POLR3C: variants seen among roughly 807,000 people sequenced by gnomAD.
POLR3C encodes the protein DNA-directed RNA polymerase III subunit RPC3.
Under a neutral mutation model 65.9 loss-of-function variants are expected in POLR3C, and 44 were observed. That is an observed-to-expected ratio of 0.67 (90% CI 0.52 to 0.86). The LOEUF (loss-of-function observed/expected upper bound fraction) is 0.86, where lower values mean the gene tolerates loss of function less well. Ranked by LOEUF, POLR3C falls within the 40% of genes least tolerant of loss-of-function variation. The probability of loss-of-function intolerance (pLI) is 0.00; values close to 1 mark genes in which losing one functional copy is unlikely to be tolerated. For missense variants in POLR3C, 576 were observed against 653.2 expected (o/e 0.88, Z 1.29); for synonymous variants, 263 against 231.6 (o/e 1.14, Z -1.23).
At chr1:145,825,632 T>G in intron 1 of POLR3C, 125 bp from the exon 2 acceptor site, 1 of 532,208 alleles carries the variant, frequency 1.9e-6, no homozygotes, top group Non-Finnish European at 3.3e-6. Context: ...TATGCAAGAT[T>G]TTTAAGGCTT....
intron 3 of POLR3C, 51 bp from the exon 4 acceptor site, chr1:145,826,769 C>T: frequency 6.2e-7 from 1 of 1,607,416 alleles, no homozygotes; most frequent in Non-Finnish European, 8.5e-7. Context: ...TGGGAGTGAA[C>T]CCTGAGCTAT....
chr1:145,835,435 ACT>A (rs1553728318), intron 7 of POLR3C, among the ~76,000 whole-genome samples: 4 of 148,698 alleles, frequency 2.7e-5, no homozygotes, highest in Admixed American at 2.0e-4. Flanking sequence ...ACAGAGTGAG[ACT>A]CTGTCTCAAA....
intron 1 of POLR3C, among the ~76,000 whole-genome samples, chr1:145,825,541 A>T (rs1318346672): frequency 6.6e-6 from 1 of 152,240 alleles, no homozygotes; most frequent in African/African-American, 2.4e-5. Context: ...TCGGTATTAT[A>T]AAGAGAACTA....
chr1:145,827,863 G>A lies in POLR3C; in HGVS notation c.589+858G>A, dbSNP rs372707417. 5.9e-5 allele frequency among the ~76,000 whole-genome samples: 9 copies of A among 151,990 alleles called. No homozygotes were observed. The South Asian group carries it at 8.3e-4, about 14-fold the overall frequency. On this transcript the variant is annotated intron_variant, in intron 4 of 14. Transcript: ENST00000334163. ...GAATTGCTTGAACCCAGGAGACAGC[G>A]ATTGCAGTGAGCCAAGATTGCACCA... is the stretch of plus-strand genomic sequence containing the variant.
rs587625858 is a variant in POLR3C, at chr1:145,841,630, A to C, written c.1523+559A>C. ...GATTGTTCATTGCTAGTGTTATACA[A>C]AAACAACCAACTTTGGTGTTGTGAT... On this transcript the variant is annotated intron_variant, in intron 14 of 14. Coordinates refer to ENST00000334163, the MANE Select transcript of POLR3C (RefSeq NM_006468.8). Among the ~76,000 whole-genome samples the C allele has an allele frequency of 2.8e-4, 42 of 152,330 alleles. No individual in the cohort carries two copies. The South Asian group carries it at 8.1e-3, about 29-fold the overall frequency.
In POLR3C at chr1:145,826,483, A is replaced by C; in HGVS notation, c.177A>C (p.Gln59His). The C allele has an allele frequency of 6.2e-7, 1 of 1,613,710 alleles. No individual in the cohort carries two copies. ...QVKKALCVLV[Q>H]HNLVSYQVHK... ...AGAAAGCCCTGTGTGTCCTCGTCCA[A>C]CATAACCTGGTGAGTTATCAAGTGC... Residue 59 changes from glutamine (Q) to histidine (H), a missense_variant, in exon 3 of 15, where the codon CAA becomes CAC. Gln to His is a conservative substitution (Grantham distance 24). Transcript: ENST00000334163.
At chr1:145,840,550 A>ATT in intron 13 of POLR3C, 1 of 239,678 alleles carries the variant, frequency 4.2e-6, no homozygotes, top group Non-Finnish European at 8.1e-6. Flanking sequence ...AAAAAAAAAA[A>ATT]TTTTTTTTTT....
At chr1:145,826,252 A>T (rs782694307) in intron 2 of POLR3C, among the ~76,000 whole-genome samples, 5 of 152,246 alleles carry the variant, frequency 3.3e-5, no homozygotes, top group African/African-American at 4.8e-5. Context: ...TAAGGATCAG[A>T]GGAAATATAG....
chr1:145,838,031 A>T (rs924091568), intron 10 of POLR3C, 25 bp from the exon 11 acceptor site: 5 of 1,612,164 alleles, frequency 3.1e-6, no homozygotes, highest in Non-Finnish European at 3.4e-6. Flanking sequence ...TTAGCATGCC[A>T]TTTGCTTTCT....
chr1:145,840,390 A>C, intron 13 of POLR3C: 1 of 475,560 alleles, frequency 2.1e-6, no homozygotes, highest in Admixed American at 3.4e-5. Flanking sequence ...AAATACAAAA[A>C]TTAGCTGGGC....
chr1:145,833,224 A>C (rs1553727599), intron 5 of POLR3C, 36 bp from the exon 6 acceptor site: 1 of 1,278,808 alleles, frequency 7.8e-7, no homozygotes, highest in South Asian at 1.3e-5. Context: ...AAAACTTTAC[A>C]CTATAGCTAA....
chr1:145,835,549 T>C (rs1390198023), intron 7 of POLR3C, among the ~76,000 whole-genome samples: 1 of 152,106 alleles, frequency 6.6e-6, no homozygotes, highest in Non-Finnish European at 1.5e-5. Flanking sequence ...ACTATTCATA[T>C]GGCTTTTTGG....
intron 3 of POLR3C, 34 bp downstream of exon 3, chr1:145,826,743 A>C: frequency 3.7e-6 from 6 of 1,612,894 alleles, no homozygotes; most frequent in Non-Finnish European, 5.1e-6. Flanking sequence ...TAACAAAAGC[A>C]TAGATCAGCT....
At chr1:145,827,064 G>A (rs1288937701) in intron 4 of POLR3C, 59 bp downstream of exon 4, 10 of 1,254,416 alleles carry the variant, frequency 8.0e-6, no homozygotes, top group African/African-American at 1.5e-5. Flanking sequence ...CTTCTTGATT[G>A]TCAAGTGTAT....
intron 10 of POLR3C, 147 bp downstream of exon 10, chr1:145,837,743 C>T: frequency 4.2e-6 from 3 of 718,310 alleles, no homozygotes; most frequent in East Asian, 5.0e-5. Context: ...TCATGTAATA[C>T]TGCTCTTTAC....
In POLR3C at chr1:145,844,110, C is replaced by T. The variant is rs1652487152; in HGVS notation, c.*1690C>T. Among the ~76,000 whole-genome samples, 2 of 152,088 alleles carry T rather than the reference C, an allele frequency of 1.3e-5. No individual in the cohort carries two copies. Among genetic ancestry groups the T allele is most frequent in the African/African-American group, 2.4e-5 (1 of 41,400 alleles). On this transcript the variant is annotated 3_prime_UTR_variant, in exon 15 of 15. Coordinates refer to ENST00000334163, the MANE Select transcript of POLR3C (RefSeq NM_006468.8). ...CCACTGTGGAAGACTACAGAGGTTC[C>T]TCAAAAAACTAAAAACAGAACTATG...
At chr1:145,832,406 C>T (rs1321191995) in intron 5 of POLR3C, among the ~76,000 whole-genome samples, 5 of 151,798 alleles carry the variant, frequency 3.3e-5, no homozygotes, top group Admixed American at 2.0e-4. Context: ...GATAAGAAGG[C>T]GGTAGAGAAG....
At chr1:145,827,284 A>G (rs1359503576) in intron 4 of POLR3C, among the ~76,000 whole-genome samples, 5 of 152,236 alleles carry the variant, frequency 3.3e-5, no homozygotes, top group East Asian at 1.9e-4. Context: ...ACATGCATTA[A>G]TCAGAAAATC....
At position 145,842,419 on chromosome 1, in the gene POLR3C, G is replaced by A. The variant is rs375268580; in HGVS notation, c.1604G>A (p.Ter535=). 15 of 1,593,112 alleles carry A rather than the reference G, an allele frequency of 9.4e-6. No individual in the cohort carries two copies. Among genetic ancestry groups the A allele is most frequent in the African/African-American group, 1.3e-5 (1 of 74,514 alleles). Residue 535 remains the stop codon, a stop_retained_variant, in exon 15 of 15, where the codon TGA becomes TAA. Coordinates refer to ENST00000334163, the MANE Select transcript of POLR3C (RefSeq NM_006468.8). ...SYIECTMKRQ[*] ...ATTGAGTGCACCATGAAGAGACAGT[G>A]ATCCAGAAGAAGCATCTTCCTCAGA...
Sources: allele counts gnomAD v4.1 joint callset (sites outside exome capture counted in the v4.1 genomes callset), GRCh38; gene constraint gnomAD v4.1.1; transcripts MANE v1.5; gene names NCBI Gene and HGNC (gene_info 2026-07-23, HGNC 2026-07-21).